Variants in COL5A1 observed in about 807,000 individuals in gnomAD.
COL5A1 encodes collagen alpha-1(V) chain.
In COL5A1, 16 loss-of-function variants were observed where a neutral mutation model predicts 263.7. The observed-to-expected ratio is 0.06, with a 90% CI of 0.04 to 0.09. The LOEUF (loss-of-function observed/expected upper bound fraction) is 0.09, where lower values mean the gene tolerates loss of function less well. Ranked by LOEUF, COL5A1 falls within the 10% of genes least tolerant of loss-of-function variation. COL5A1 has a pLI of 1.00. For synonymous variants in COL5A1, 1,012 were observed against 1,004.5 expected, an observed-to-expected ratio of 1.01 and a Z score of -0.14; for missense variants, 2,036 against 2,540.5, an observed-to-expected ratio of 0.80 and a Z score of 4.27.
intron 1 of COL5A1, among the ~76,000 whole-genome samples, chr9:134,658,324 A>G (rs1832087994): frequency 6.6e-6 from 1 of 152,152 alleles, no homozygotes; most frequent in Non-Finnish European, 1.5e-5. Context: ...CTCACCAGTG[A>G]TAAAGGAAAG....
intron 1 of COL5A1, among the ~76,000 whole-genome samples, chr9:134,668,351 G>A (rs74474756): frequency 0.11 from 16,896 of 152,136 alleles, 1,215 homozygotes; most frequent in Admixed American, 0.17. Context: ...AGTGGGAGTC[G>A]GGGGAAGAGG....
At chr9:134,648,476 C>T (rs1188840746) in intron 1 of COL5A1, among the ~76,000 whole-genome samples, 1 of 152,088 alleles carries the variant, frequency 6.6e-6, no homozygotes, top group Non-Finnish European at 1.5e-5. Flanking sequence ...GGCAAGACTC[C>T]TGGATTCCTA....
In COL5A1 at chr9:134,811,334, C is replaced by G; in HGVS notation, c.3529-5C>G. The G allele has an allele frequency of 3.7e-6, 6 of 1,613,992 alleles. No individual in the cohort carries two copies. Among genetic ancestry groups the G allele is most frequent in the Non-Finnish European group, 5.1e-6 (6 of 1,179,900 alleles). On this transcript the variant is annotated splice_region_variant and splice_polypyrimidine_tract_variant and intron_variant, in intron 44 of 65. Coordinates refer to ENST00000371817, the MANE Select transcript of COL5A1 (RefSeq NM_000093.5). Reference sequence around the variant, plus strand: ...CTACCTATGTCTCTGTCTTGTTCCCCGCAGGGTCCTCCTGGGCCTACAGGT... The same window carrying G: ...CTACCTATGTCTCTGTCTTGTTCCCGGCAGGGTCCTCCTGGGCCTACAGGT...
At chr9:134,815,815 C>A in intron 51 of COL5A1, 120 bp from the exon 52 acceptor site, 1 of 1,347,194 alleles carries the variant, frequency 7.4e-7, no homozygotes, top group Non-Finnish European at 1.1e-6. Context: ...TGACCATGCT[C>A]TGTGCTGGCA....
At chr9:134,806,103 G>A (rs1838286891) in intron 41 of COL5A1, 86 bp from the exon 42 acceptor site, 1 of 978,224 alleles carries the variant, frequency 1.0e-6, no homozygotes, top group Non-Finnish European at 1.6e-6. Context: ...GAGCAGGTAA[G>A]TGGAGTGATC....
At chr9:134,739,210 G>T (rs1176343765) in intron 11 of COL5A1, among the ~76,000 whole-genome samples, 1 of 152,234 alleles carries the variant, frequency 6.6e-6, no homozygotes, top group Non-Finnish European at 1.5e-5. Context: ...CTTGGTCTGG[G>T]TTGCACCTGG....
At chr9:134,792,434 G>T (rs536547680) in intron 32 of COL5A1, among the ~76,000 whole-genome samples, 2 of 152,106 alleles carry the variant, frequency 1.3e-5, no homozygotes, top group Non-Finnish European at 2.9e-5. Context: ...GGAATGCAGT[G>T]GTGCGATCTC....
At chr9:134,769,179 G>A (rs1836786827) in intron 25 of COL5A1, among the ~76,000 whole-genome samples, 1 of 152,242 alleles carries the variant, frequency 6.6e-6, no homozygotes, top group African/African-American at 2.4e-5. Context: ...ATGCTTTATG[G>A]TTTTAATAAC....
intron 4 of COL5A1, among the ~76,000 whole-genome samples, chr9:134,726,642 AGATG>A (rs1474276913): frequency 1.3e-5 from 2 of 150,540 alleles, no homozygotes; most frequent in East Asian, 2.0e-4. Flanking sequence ...ATGGATGGGT[AGATG>A]GATGGATGGG....
intron 42 of COL5A1, chr9:134,808,888 G>A: frequency 2.1e-6 from 1 of 486,130 alleles, no homozygotes; most frequent in Non-Finnish European, 3.8e-6. Flanking sequence ...GGCTGGATTT[G>A]GATCCTGTCT....
chr9:134,822,614 C>T (rs997810422), intron 59 of COL5A1, among the ~76,000 whole-genome samples: 4 of 152,186 alleles, frequency 2.6e-5, no homozygotes, highest in South Asian at 2.1e-4. Flanking sequence ...ACATGGCCCC[C>T]GGGGGCCCCT....
rs1386971609 is a variant in COL5A1, at chr9:134,787,895, G to A, written c.2647-1260G>A. On this transcript the variant is annotated intron_variant, in intron 31 of 65. Transcript: ENST00000371817. ...GGGATGGTGGCAGGGGAGGGAGCAT[G>A]ATGAAACTCCATTTGGCTTTCTAGA... Among the ~76,000 whole-genome samples, 12 of 152,348 alleles carry A rather than the reference G, an allele frequency of 7.9e-5. No homozygotes were observed. In the East Asian group the frequency reaches 2.3e-3, roughly 29 times the overall value.
rs1462445877 is a variant in COL5A1 at position 134,698,730 on chromosome 9, G to T, written c.278-1179G>T. Among the ~76,000 whole-genome samples the T allele has an allele frequency of 6.6e-5, 10 of 152,376 alleles. No individual in the cohort carries two copies. In the South Asian group the frequency reaches 2.1e-3, roughly 32 times the overall value. On this transcript the variant is annotated intron_variant, in intron 2 of 65. Transcript: ENST00000371817. ...GCTCATGGATAGCCGCCTTGCAGGC[G>T]CTGCTGCCGCAGATCCAGACTCTGC...
At chr9:134,822,288 G>C (rs921104474) in intron 59 of COL5A1, 138 bp downstream of exon 59, 25 of 724,808 alleles carry the variant, frequency 3.4e-5, no homozygotes, top group Middle Eastern at 3.0e-4. Flanking sequence ...GGGTGGATTT[G>C]CCCATTAACT....
intron 37 of COL5A1, among the ~76,000 whole-genome samples, chr9:134,799,793 C>T (rs1416152329): frequency 6.6e-6 from 1 of 152,210 alleles, no homozygotes; most frequent in Non-Finnish European, 1.5e-5. Context: ...CTGAGCTTTG[C>T]ATATTTTTCT....
At position 134,765,953 on chromosome 9, in the gene COL5A1, G is replaced by A. The variant is rs544713382; in HGVS notation, c.2088+219G>A. Among the ~76,000 whole-genome samples, 8 of 152,338 alleles carry A rather than the reference G, an allele frequency of 5.3e-5. No homozygotes were observed. The South Asian group carries it at 1.0e-3, about 20-fold the overall frequency. On this transcript the variant is annotated intron_variant, in intron 21 of 65. Coordinates refer to ENST00000371817, the MANE Select transcript of COL5A1 (RefSeq NM_000093.5). The surrounding 1 kb of genome is among the most constrained non-coding windows in gnomAD (Gnocchi z 5.1). ...TTGCAGGTGGAGGCCCGAGGCTGCCGGCCTCACGCCTCCGCTTCACCCTGG... is the reference window on the plus strand; with the variant it reads ...TTGCAGGTGGAGGCCCGAGGCTGCCAGCCTCACGCCTCCGCTTCACCCTGG...
At chr9:134,760,583 C>G (rs1477162593) in intron 18 of COL5A1, among the ~76,000 whole-genome samples, 3 of 123,228 alleles carry the variant, frequency 2.4e-5, no homozygotes, top group African/African-American at 1.1e-4. Context: ...CCCCCACACT[C>G]AGACACATGC....
intron 11 of COL5A1, among the ~76,000 whole-genome samples, chr9:134,748,895 C>T (rs1017057810): frequency 3.3e-5 from 5 of 152,204 alleles, no homozygotes; most frequent in Non-Finnish European, 7.3e-5. Context: ...TCTACAGAGA[C>T]AGGCCATGAT....
chr9:134,780,042 A>G, intron 27 of COL5A1, 60 bp from the exon 28 acceptor site: 1 of 1,595,150 alleles, frequency 6.3e-7, no homozygotes, highest in Non-Finnish European at 8.6e-7. Context: ...CGCCTGCGAC[A>G]GCTCTAGAAA....
Sources: gnomAD v4.1 joint callset for allele counts (sites outside exome capture counted in the v4.1 genomes callset) on GRCh38, gnomAD v4.1.1 for gene constraint, Gnocchi (gnomAD v3.1) non-coding constraint, MANE v1.5 for transcripts, NCBI Gene and HGNC (gene_info 2026-07-23, HGNC 2026-07-21) for gene names.